The following CCDC102B variants were observed in gnomAD, a reference collection of about 807,000 sequenced individuals.
The protein encoded by CCDC102B is coiled-coil domain-containing protein 102B.
CCDC102B carries 75 observed loss-of-function variants against 57.4 expected under a neutral mutation model. The observed-to-expected ratio is 1.31, with a 90% CI of 1.08 to 1.58. The LOEUF (loss-of-function observed/expected upper bound fraction) is 1.58, where lower values mean the gene tolerates loss of function less well. Among genes scored for constraint, CCDC102B ranks in the 40% most tolerant of loss-of-function variants. The pLI is 0.00. For synonymous variants in CCDC102B, 206 were observed against 201.9 expected (o/e 1.02, Z -0.17); for missense variants, 636 against 582.6 (o/e 1.09, Z -0.94).
chr18:68,957,505 A>G (rs1156839503), intron 6 of CCDC102B, among the ~76,000 whole-genome samples: 1 of 144,112 alleles, frequency 6.9e-6, no homozygotes, highest in Non-Finnish European at 1.5e-5. Context: ...GTAGTATTTT[A>G]GTTACTATAT....
At chr18:68,868,363 T>G (rs1431814312) in intron 4 of CCDC102B, among the ~76,000 whole-genome samples, 1 of 152,158 alleles carries the variant, frequency 6.6e-6, no homozygotes, top group African/African-American at 2.4e-5. Context: ...TCACTGTATT[T>G]TCTACCATTC....
chr18:68,804,129 A>G (rs1057513067), intron 1 of CCDC102B, among the ~76,000 whole-genome samples: 2 of 152,206 alleles, frequency 1.3e-5, no homozygotes, highest in African/African-American at 4.8e-5. Context: ...GCTGTATTTC[A>G]TATTTTCCTG....
chr18:69,043,163 T>A (rs1341576160), intron 7 of CCDC102B, among the ~76,000 whole-genome samples: 1 of 152,142 alleles, frequency 6.6e-6, no homozygotes, highest in Non-Finnish European at 1.5e-5. Context: ...TGCTGTGCTT[T>A]TAGATATGCA....
chr18:68,943,754 G>T (rs958453339), intron 6 of CCDC102B, among the ~76,000 whole-genome samples: 2 of 152,166 alleles, frequency 1.3e-5, no homozygotes, highest in Non-Finnish European at 2.9e-5. Context: ...GGCGGCCAAA[G>T]AGATGGCCAA....
At chr18:68,813,512 G>A (rs1305969093) in intron 1 of CCDC102B, among the ~76,000 whole-genome samples, 1 of 151,744 alleles carries the variant, frequency 6.6e-6, no homozygotes, top group Non-Finnish European at 1.5e-5. Flanking sequence ...AAAGAGGAGA[G>A]GAGAGGAGGC....
intron 5 of CCDC102B, among the ~76,000 whole-genome samples, chr18:68,887,976 A>G (rs2039947082): frequency 6.6e-6 from 1 of 152,172 alleles, no homozygotes; most frequent in African/African-American, 2.4e-5. Context: ...GAGACAGACA[A>G]CTTTCTTAGG....
intron 2 of CCDC102B, among the ~76,000 whole-genome samples, chr18:68,784,554 T>A (rs2035123032): frequency 6.6e-6 from 1 of 152,210 alleles, no homozygotes; most frequent in African/African-American, 2.4e-5. Flanking sequence ...TAATTAAATG[T>A]AATACTTTAG....
chr18:68,963,252 A>G (rs2050087629), intron 6 of CCDC102B, among the ~76,000 whole-genome samples: 1 of 151,996 alleles, frequency 6.6e-6, no homozygotes, highest in Non-Finnish European at 1.5e-5. Flanking sequence ...AAATGGTTTT[A>G]TGTCCGAATA....
At chr18:69,045,385 C>G (rs1255898521) in intron 7 of CCDC102B, among the ~76,000 whole-genome samples, 1 of 151,898 alleles carries the variant, frequency 6.6e-6, no homozygotes. Flanking sequence ...TGATAAAATA[C>G]TCTCAAAATT....
intron 3 of CCDC102B, among the ~76,000 whole-genome samples, chr18:68,839,846 A>ATT (rs1336717711): frequency 1.3e-5 from 2 of 152,100 alleles, no homozygotes. Flanking sequence ...CAAAAGTCAG[A>ATT]CCCACTTATC....
intron 6 of CCDC102B, among the ~76,000 whole-genome samples, chr18:68,976,371 A>C (rs2050438690): frequency 1.3e-5 from 2 of 152,032 alleles, no homozygotes; most frequent in South Asian, 4.1e-4. Context: ...GAAAGTGTAG[A>C]AAATATTACA....
intron 6 of CCDC102B, among the ~76,000 whole-genome samples, chr18:68,996,406 A>G (rs1159374581): frequency 1.3e-5 from 2 of 152,130 alleles, no homozygotes; most frequent in Non-Finnish European, 2.9e-5. Flanking sequence ...TGAGGTTTTG[A>G]GACTTGGACT....
chr18:68,985,412 G>A lies in CCDC102B; in HGVS notation c.1264-25522G>A, dbSNP rs568805732. On this transcript the variant is annotated intron_variant, in intron 6 of 7. Transcript: ENST00000360242. ...AAACGTACACTCTGTATTTGTCAGT[G>A]TCCATCTGGTAAATAGAAATACTCT... Among the ~76,000 whole-genome samples the A allele has an allele frequency of 3.9e-5, 6 of 152,238 alleles. No homozygotes were observed. In the South Asian group the frequency reaches 8.3e-4, roughly 21 times the overall value.
At position 68,805,540 on chromosome 18, in the gene CCDC102B, G is replaced by A. The variant is rs148572313; in HGVS notation, c.-16+7359G>A. Among the ~76,000 whole-genome samples the A allele has an allele frequency of 2.2e-3, 329 of 152,262 alleles. 6 individuals carry two copies. Among genetic ancestry groups the A allele is most frequent in the African/African-American group, 7.6e-3 (317 of 41,548 alleles). ...TGGAGCACAGAATAGGGAGGAGAGA[G>A]TGGATGTGAAGCCGATGAGGAAGAG... On this transcript the variant is annotated intron_variant, in intron 1 of 7. Transcript: ENST00000360242.
chr18:68,965,009 T>A (rs1158919660), intron 6 of CCDC102B, among the ~76,000 whole-genome samples: 3 of 152,136 alleles, frequency 2.0e-5, no homozygotes, highest in African/African-American at 4.8e-5. Flanking sequence ...GCTTAAAAGA[T>A]TTTTGTCTTT....
In CCDC102B at chr18:69,055,109, A is replaced by T; in HGVS notation, c.*972A>T. 1.0e-6 allele frequency: 1 copy of T among 983,204 alleles called. No individual in the cohort carries two copies. The highest frequency in any genetic ancestry group is 1.2e-6 in the Non-Finnish European group (1 of 828,012). 60.9% of individuals were successfully genotyped at this position (983,204 alleles called of 1,614,324 possible). A position where few individuals can be genotyped will look rare whatever the true frequency, so the allele number is the denominator to read the frequency against. On this transcript the variant is annotated 3_prime_UTR_variant, in exon 8 of 8. Coordinates refer to ENST00000360242, the MANE Select transcript of CCDC102B (RefSeq NM_024781.3). ...AGTCAATAACATACTGGTTTTACTC[A>T]TCTCCCCCTCCATTGATTAGCCAAA...
At chr18:69,048,245 T>C (rs183534546) in intron 7 of CCDC102B, among the ~76,000 whole-genome samples, 32 of 151,722 alleles carry the variant, frequency 2.1e-4, no homozygotes, top group Non-Finnish European at 8.8e-5. Flanking sequence ...CAAGTAGGTA[T>C]ACAGGTGAGA....
At chr18:68,938,676 C>T (rs2049305548) in intron 6 of CCDC102B, among the ~76,000 whole-genome samples, 1 of 151,028 alleles carries the variant, frequency 6.6e-6, no homozygotes, top group African/African-American at 2.4e-5. Context: ...ATTGATTTTC[C>T]CAGATTATTT....
At chr18:68,924,012 G>A (rs775120517) in intron 6 of CCDC102B, among the ~76,000 whole-genome samples, 7 of 151,982 alleles carry the variant, frequency 4.6e-5, no homozygotes, top group Non-Finnish European at 7.4e-5. Flanking sequence ...AGCATCATTA[G>A]CAACCAAGGA....
Sources: gnomAD v4.1 joint callset for allele counts (sites outside exome capture counted in the v4.1 genomes callset) on GRCh38, gnomAD v4.1.1 for gene constraint, MANE v1.5 for transcripts, NCBI Gene and HGNC (gene_info 2026-07-23, HGNC 2026-07-21) for gene names.